CLIP1: variants seen among roughly 807,000 people sequenced by gnomAD.
The protein encoded by CLIP1 is CAP-Gly domain containing linker protein 1.
In CLIP1, 66 loss-of-function variants were observed where a neutral mutation model predicts 161.6. That is an observed-to-expected ratio of 0.41 (90% CI 0.33 to 0.50). The LOEUF is 0.50. Among genes scored for constraint, CLIP1 ranks in the 20% least tolerant of loss-of-function variants. CLIP1 has a pLI of 0.27. For synonymous variants in CLIP1, 598 were observed against 626.2 expected, an observed-to-expected ratio of 0.96 and a Z score of 0.67; for missense variants, 1,376 against 1,702.0, an observed-to-expected ratio of 0.81 and a Z score of 3.37.
intron 17 of CLIP1, among the ~76,000 whole-genome samples, chr12:122,326,848 T>A (rs1951729379): frequency 6.6e-6 from 1 of 151,868 alleles, no homozygotes; most frequent in Non-Finnish European, 1.5e-5. Context: ...AAATGGCTCA[T>A]AAAACTGGAG....
At chr12:122,402,206 T>C (rs986737126) in intron 1 of CLIP1, among the ~76,000 whole-genome samples, 1 of 152,186 alleles carries the variant, frequency 6.6e-6, no homozygotes, top group Non-Finnish European at 1.5e-5. Context: ...ATTTAAAATA[T>C]TATTTCAAAA....
intron 17 of CLIP1, among the ~76,000 whole-genome samples, chr12:122,321,045 A>G (rs1015838789): frequency 6.6e-6 from 1 of 151,338 alleles, no homozygotes; most frequent in Admixed American, 6.6e-5. Flanking sequence ...TAAATAAATA[A>G]ATAAATAAAT....
chr12:122,325,545 G>T (rs1273601220), intron 17 of CLIP1, among the ~76,000 whole-genome samples: 1 of 152,074 alleles, frequency 6.6e-6, no homozygotes, highest in African/African-American at 2.4e-5. Flanking sequence ...GAAGTGGCGC[G>T]ATCTCGGCTC....
At chr12:122,415,977 T>A (rs1434730690) in intron 1 of CLIP1, among the ~76,000 whole-genome samples, 2 of 152,050 alleles carry the variant, frequency 1.3e-5, no homozygotes, top group Non-Finnish European at 2.9e-5. Context: ...CGGTGGCTCA[T>A]GCCTGTAATC....
Position 122,341,366 on chromosome 12 carries a change from T to C in CLIP1, c.1838A>G (p.Asn613Ser). ...AGCTATCACATCTGAGTTCTCTTTG[T>C]TGGCATGCTCCAGCTTGCTTTTCAA... ...ESLKSKLEHA[N>S]KENSDVIALW... is the part of the protein sequence containing the mutation. The change falls in exon 11 of 26, where the codon AAC becomes AGC. Residue 613 changes from asparagine to serine, a missense_variant. Transcript: ENST00000620786. The C allele has an allele frequency of 1.2e-6, 2 of 1,614,186 alleles. No individual in the cohort carries two copies. The highest frequency in any genetic ancestry group is 1.7e-6 in the Non-Finnish European group (2 of 1,180,040).
At chr12:122,333,266 T>C in intron 14 of CLIP1, 123 bp from the exon 15 acceptor site, 1 of 710,900 alleles carries the variant, frequency 1.4e-6, no homozygotes, top group Non-Finnish European at 2.3e-6. Flanking sequence ...AATCACATTC[T>C]AGTGAAGAAG....
At chr12:122,389,809 A>G (rs1432811778) in intron 1 of CLIP1, among the ~76,000 whole-genome samples, 3 of 126,834 alleles carry the variant, frequency 2.4e-5, no homozygotes, top group South Asian at 3.0e-4. Context: ...TTGGGGAGAG[A>G]TACAGTTTGG....
chr12:122,389,213 G>A (rs1955471965), intron 1 of CLIP1, among the ~76,000 whole-genome samples: 2 of 152,162 alleles, frequency 1.3e-5, no homozygotes. Flanking sequence ...TTGCACACTT[G>A]GCCATGTGTG....
At position 122,397,813 on chromosome 12, in the gene CLIP1, A is replaced by T. The variant is rs796521670; in HGVS notation, c.-106-17255T>A. 2.6e-4 allele frequency among the ~76,000 whole-genome samples: 40 copies of T among 151,396 alleles called. 1 individual carries two copies. The highest frequency in any genetic ancestry group is 9.7e-4 in the African/African-American group (40 of 41,304). On this transcript the variant is annotated intron_variant, in intron 1 of 25. Transcript: ENST00000620786. Reference sequence around the variant, plus strand: ...AAAAAAAAAATATAAAAATTAGTCGAGAGTGGAGGCGCATGCCTGTAATCC... The same window carrying T: ...AAAAAAAAAATATAAAAATTAGTCGTGAGTGGAGGCGCATGCCTGTAATCC...
intron 1 of CLIP1, among the ~76,000 whole-genome samples, chr12:122,418,740 G>T (rs184100457): frequency 1.3e-5 from 2 of 152,130 alleles, no homozygotes; most frequent in African/African-American, 2.4e-5. Context: ...TCCAGCCTGC[G>T]TGACAGAGCG....
rs1171737301 is a variant in CLIP1, at chr12:122,328,076, A to G, written c.3120T>C (p.His1040=). The G allele has an allele frequency of 6.2e-7, 1 of 1,613,940 alleles. No individual in the cohort carries two copies. Among genetic ancestry groups the G allele is most frequent in the Admixed American group, 1.7e-5 (1 of 59,986 alleles). ...TCTGGAGGTTCTGTAGGATTTCTTCATGCTTGGTTTTTGTCTCAGAAGTGG... is the reference window on the plus strand; with the variant it reads ...TCTGGAGGTTCTGTAGGATTTCTTCGTGCTTGGTTTTTGTCTCAGAAGTGG... ...ERATSETKTK[H]EEILQNLQKT... is the part of the protein sequence containing the mutation. Residue 1040 remains histidine (H), a synonymous_variant, in exon 17 of 26, where the codon CAT becomes CAC. Coordinates refer to ENST00000620786, the MANE Select transcript of CLIP1 (RefSeq NM_001247997.2).
At chr12:122,388,749 C>T (rs562603695) in intron 1 of CLIP1, among the ~76,000 whole-genome samples, 13 of 151,854 alleles carry the variant, frequency 8.6e-5, no homozygotes, top group Admixed American at 2.0e-4. Context: ...TTTTTTATTT[C>T]TTTTTTGTAG....
intron 8 of CLIP1, among the ~76,000 whole-genome samples, chr12:122,352,271 G>A (rs1214454375): frequency 6.6e-6 from 1 of 152,036 alleles, no homozygotes; most frequent in Non-Finnish European, 1.5e-5. Context: ...TAGCCAGGCT[G>A]GTTTCGAACT....
intron 1 of CLIP1, among the ~76,000 whole-genome samples, chr12:122,398,324 G>A (rs1956006980): frequency 6.6e-6 from 1 of 151,076 alleles, no homozygotes; most frequent in Non-Finnish European, 1.5e-5. Flanking sequence ...AGCTACTTGG[G>A]AGGCTGAGGA....
chr12:122,376,902 T>G (rs1243576749), intron 3 of CLIP1, among the ~76,000 whole-genome samples: 2 of 152,108 alleles, frequency 1.3e-5, no homozygotes, highest in East Asian at 3.8e-4. Flanking sequence ...GTTTCTAATT[T>G]GTTGCGTAGT....
rs1951800607 is a variant in CLIP1 at position 122,328,551 on chromosome 12, GA to G, written c.2868-126del. 3 of 557,694 alleles carry G rather than the reference GA, an allele frequency of 5.4e-6. No individual in the cohort carries two copies. The Admixed American group carries it at 1.3e-4, about 23-fold the overall frequency. 34.5% of individuals were successfully genotyped at this position (557,694 alleles called of 1,614,324 possible). ...AAGTTATGTGTAATTAATAACATCA[GA>G]ACTAGGCAAGAAATTTTGTTTTGTT... is the stretch of plus-strand genomic sequence containing the variant. On this transcript the variant is annotated intron_variant, in intron 15 of 25. Coordinates refer to ENST00000620786, the MANE Select transcript of CLIP1 (RefSeq NM_001247997.2).
chr12:122,355,130 C>T lies in CLIP1; in HGVS notation c.1188G>A (p.Arg396=), dbSNP rs777970148. The T allele has an allele frequency of 1.4e-5, 22 of 1,614,134 alleles. No individual in the cohort carries two copies. The African/African-American group carries it at 2.7e-4, about 20-fold the overall frequency. Reference sequence around the variant, plus strand: ...CAGACTTCACCTGGTCATGTCCGTCCCGGGCCAGAGCTAGCTCCTGCTCTA... The same window carrying T: ...CAGACTTCACCTGGTCATGTCCGTCTCGGGCCAGAGCTAGCTCCTGCTCTA... The part of the protein sequence containing the change: ...GEIEQELALA[R]DGHDQHVLEL... The change falls in exon 6 of 26, where the codon CGG becomes CGA. Residue 396 remains arginine, a synonymous_variant. Transcript: ENST00000620786. The surrounding 1 kb of genome is among the most constrained non-coding windows in gnomAD (Gnocchi z 4.1).
chr12:122,403,188 ATAATT>A (rs888341118), intron 1 of CLIP1, among the ~76,000 whole-genome samples: 3 of 152,240 alleles, frequency 2.0e-5, no homozygotes, highest in Non-Finnish European at 4.4e-5. Flanking sequence ...CGAGCCAGGA[ATAATT>A]TAATTGTTCT....
At chr12:122,392,739 C>T (rs1376373665) in intron 1 of CLIP1, among the ~76,000 whole-genome samples, 1 of 152,110 alleles carries the variant, frequency 6.6e-6, no homozygotes, top group Non-Finnish European at 1.5e-5. Context: ...AGATTCACTT[C>T]TATTCTCCCT....
Sources: gnomAD v4.1 joint callset for allele counts (sites outside exome capture counted in the v4.1 genomes callset) on GRCh38, gnomAD v4.1.1 for gene constraint, Gnocchi (gnomAD v3.1) non-coding constraint, MANE v1.5 for transcripts, NCBI Gene and HGNC (gene_info 2026-07-23, HGNC 2026-07-21) for gene names.